The following RC3H1 variants were observed in gnomAD, a reference collection of about 807,000 sequenced individuals.
The protein encoded by RC3H1 is ring finger and CCCH-type domains 1.
In RC3H1, 50 loss-of-function variants were observed where a neutral mutation model predicts 138.2. That is an observed-to-expected ratio of 0.36 (90% CI 0.29 to 0.46). RC3H1 has a LOEUF of 0.46. Among genes scored for constraint, RC3H1 ranks in the 20% least tolerant of loss-of-function variants. The pLI is 1.00. For missense variants in RC3H1, 1,031 were observed against 1,388.1 expected (o/e 0.74, Z 4.09); for synonymous variants, 462 against 489.1 (o/e 0.94, Z 0.73).
Position 173,984,628 on chromosome 1 carries a change from CA to C in RC3H1, c.232-10del. On this transcript the variant is annotated splice_polypyrimidine_tract_variant and intron_variant, in intron 2 of 19. Coordinates refer to ENST00000367696, the MANE Select transcript of RC3H1 (RefSeq NM_172071.4). The stretch of plus-strand genomic sequence containing the variant: ...GGCTGCTGCTCAGGGACCTGGAGGC[CA>C]AAAGAAAAGATCTGTATGAGTGCTC... The C allele has an allele frequency of 6.2e-7, 1 of 1,610,018 alleles. No individual in the cohort carries two copies. Among genetic ancestry groups the C allele is most frequent in the Non-Finnish European group, 8.5e-7 (1 of 1,178,840 alleles).
chr1:173,980,731 A>C, intron 6 of RC3H1, 78 bp downstream of exon 6: 1 of 1,050,258 alleles, frequency 9.5e-7, no homozygotes, highest in South Asian at 1.5e-5. Flanking sequence ...TACAGTATTC[A>C]CTTTAATATA....
intron 14 of RC3H1, among the ~76,000 whole-genome samples, chr1:173,948,036 C>T (rs1659208428): frequency 6.6e-6 from 1 of 152,148 alleles, no homozygotes; most frequent in Non-Finnish European, 1.5e-5. Context: ...AGCCACTGCA[C>T]CTGGCCTAAG....
chr1:173,939,540 A>G, intron 19 of RC3H1, among the ~76,000 whole-genome samples: 1 of 148,610 alleles, frequency 6.7e-6, no homozygotes, highest in Non-Finnish European at 1.5e-5. Flanking sequence ...AAAAAAAAAA[A>G]AAAAAAAAAA....
intron 17 of RC3H1, among the ~76,000 whole-genome samples, chr1:173,946,239 A>G (rs1030123337): frequency 6.6e-6 from 1 of 152,188 alleles, no homozygotes; most frequent in Non-Finnish European, 1.5e-5. Context: ...CAGGGAATAT[A>G]AGCTCCTGTT....
intron 18 of RC3H1, among the ~76,000 whole-genome samples, chr1:173,942,082 T>C (rs1300614853): frequency 6.7e-6 from 1 of 149,258 alleles, no homozygotes; most frequent in Non-Finnish European, 1.5e-5. Flanking sequence ...CTACTAAAAA[T>C]ATAAAAAAAA....
At chr1:173,946,670 AC>A in intron 16 of RC3H1, 62 bp from the exon 17 acceptor site, 1 of 1,600,592 alleles carries the variant, frequency 6.2e-7, no homozygotes, top group Middle Eastern at 1.7e-4. Context: ...CATATTACTG[AC>A]CAGAAAAACA....
At chr1:173,994,694 G>A (rs1310631406) in intron 1 of RC3H1, among the ~76,000 whole-genome samples, 2 of 151,366 alleles carry the variant, frequency 1.3e-5, no homozygotes, top group African/African-American at 4.9e-5. Context: ...GGAAGCTAAG[G>A]GCTAAGGTAG....
intron 1 of RC3H1, among the ~76,000 whole-genome samples, chr1:173,997,509 C>A (rs188604784): frequency 6.6e-6 from 1 of 152,034 alleles, no homozygotes. Context: ...GTAACTTATC[C>A]CTTCAAAGAA....
chr1:173,979,375 C>T (rs1448503991), intron 6 of RC3H1, among the ~76,000 whole-genome samples: 1 of 152,230 alleles, frequency 6.6e-6, no homozygotes. Flanking sequence ...AGGCCAGGCA[C>T]AGTGGCTCAC....
intron 18 of RC3H1, among the ~76,000 whole-genome samples, chr1:173,942,499 G>A (rs985587313): frequency 7.0e-6 from 1 of 142,096 alleles, no homozygotes; most frequent in East Asian, 2.0e-4. Context: ...CTTACTGAAA[G>A]CAAAAAAAAC....
At chr1:173,951,012 G>A (rs865892836) in intron 14 of RC3H1, among the ~76,000 whole-genome samples, 3 of 151,240 alleles carry the variant, frequency 2.0e-5, no homozygotes, top group Middle Eastern at 3.4e-3. Flanking sequence ...GACAAAGATC[G>A]ATCCTATCTC....
intron 1 of RC3H1, among the ~76,000 whole-genome samples, chr1:174,009,803 A>G (rs1035124495): frequency 6.6e-6 from 1 of 152,194 alleles, no homozygotes; most frequent in Non-Finnish European, 1.5e-5. Flanking sequence ...GTGCCACTGC[A>G]CTATAGCCTG....
At chr1:173,986,096 A>G (rs1381534952) in intron 2 of RC3H1, among the ~76,000 whole-genome samples, 3 of 152,050 alleles carry the variant, frequency 2.0e-5, no homozygotes, top group African/African-American at 7.2e-5. Context: ...ATCTCGGCTC[A>G]CTGCAACCTC....
At position 173,964,192 on chromosome 1, in the gene RC3H1, G is replaced by T. The variant is rs772587023; in HGVS notation, c.1617-5C>A. On this transcript the variant is annotated splice_region_variant and splice_polypyrimidine_tract_variant and intron_variant, in intron 10 of 19. Transcript: ENST00000367696. ...CTCTTAGGAACAGATTCTAGCCTAAGGGAATAATATTATGGAAGTTGTTTA... is the reference window on the plus strand; with the variant it reads ...CTCTTAGGAACAGATTCTAGCCTAATGGAATAATATTATGGAAGTTGTTTA... The T allele has an allele frequency of 1.3e-6, 2 of 1,598,286 alleles. No individual in the cohort carries two copies. The highest frequency in any genetic ancestry group is 2.2e-5 in the East Asian group (1 of 44,802).
chr1:173,994,796 C>CAA (rs984715226), intron 1 of RC3H1, among the ~76,000 whole-genome samples: 46 of 67,132 alleles, frequency 6.9e-4, no homozygotes, highest in East Asian at 2.0e-3. Flanking sequence ...GACCCCATCT[C>CAA]AAAAAAAAAA....
intron 11 of RC3H1, 131 bp from the exon 12 acceptor site, chr1:173,962,226 C>A: frequency 1.1e-6 from 1 of 924,142 alleles, no homozygotes; most frequent in Non-Finnish European, 1.6e-6. Flanking sequence ...AGTTTTCCAT[C>A]TGCTTATATA....
At chr1:173,961,452 T>C (rs1659870786) in intron 12 of RC3H1, among the ~76,000 whole-genome samples, 1 of 152,106 alleles carries the variant, frequency 6.6e-6, no homozygotes. Context: ...TTCTTTTATT[T>C]GGTCATAATT....
intron 1 of RC3H1, among the ~76,000 whole-genome samples, chr1:174,015,216 T>C (rs1162245920): frequency 6.6e-6 from 1 of 151,862 alleles, no homozygotes; most frequent in Admixed American, 6.6e-5. Context: ...GTGCAGATGA[T>C]TTAGTTCATT....
intron 1 of RC3H1, among the ~76,000 whole-genome samples, chr1:174,008,976 GAA>G (rs59047478): frequency 0.24 from 19,815 of 83,898 alleles, 1,811 homozygotes; most frequent in Middle Eastern, 0.33. Context: ...GACTTTGTCT[GAA>G]AAAAAAAAAA....
Sources: allele counts gnomAD v4.1 joint callset (sites outside exome capture counted in the v4.1 genomes callset), GRCh38; gene constraint gnomAD v4.1.1; transcripts MANE v1.5; gene names NCBI Gene and HGNC (gene_info 2026-07-23, HGNC 2026-07-21).